The following PPM1E variants were observed in gnomAD, a reference collection of about 807,000 sequenced individuals.
PPM1E encodes protein phosphatase, Mg2+/Mn2+ dependent 1E.
Under a neutral mutation model 65.9 loss-of-function variants are expected in PPM1E, and 20 were observed. The observed-to-expected ratio is 0.30, with a 90% CI of 0.21 to 0.44. PPM1E has a LOEUF of 0.44. PPM1E is among the 20% of genes least tolerant of loss of function. PPM1E has a pLI of 1.00. For missense variants in PPM1E, 713 were observed against 953.1 expected (o/e 0.75, Z 3.32); for synonymous variants, 352 against 374.9 (o/e 0.94, Z 0.70).
chr17:58,798,525 A>AT (rs78922975), intron 1 of PPM1E, among the ~76,000 whole-genome samples: 4,052 of 89,818 alleles, frequency 0.045, 75 homozygotes, highest in Middle Eastern at 0.11. Context: ...ACACGGCCCT[A>AT]TTTTTTTTTT....
At chr17:58,897,557 T>C (rs1275752813) in intron 1 of PPM1E, among the ~76,000 whole-genome samples, 1 of 152,224 alleles carries the variant, frequency 6.6e-6, no homozygotes, top group Non-Finnish European at 1.5e-5. Flanking sequence ...AGACCATGGA[T>C]CAAAGAGTAA....
intron 1 of PPM1E, among the ~76,000 whole-genome samples, chr17:58,825,303 C>T (rs191794342): frequency 5.7e-4 from 87 of 151,750 alleles, no homozygotes; most frequent in Admixed American, 3.3e-3. Context: ...AGTGTAGTGG[C>T]TCATGCCTGT....
chr17:58,928,606 C>CTT (rs2051853085), intron 1 of PPM1E, among the ~76,000 whole-genome samples: 2 of 151,882 alleles, frequency 1.3e-5, no homozygotes, highest in South Asian at 4.1e-4. Flanking sequence ...TTGTGTAAAA[C>CTT]TAAACATGTA....
chr17:58,813,926 A>G (rs2050392794), intron 1 of PPM1E, among the ~76,000 whole-genome samples: 1 of 152,326 alleles, frequency 6.6e-6, no homozygotes, highest in Middle Eastern at 3.4e-3. Flanking sequence ...GGTGTTTGTT[A>G]TGCACAAGGA....
intron 1 of PPM1E, among the ~76,000 whole-genome samples, chr17:58,816,790 ATATATTTTTTT>A (rs1567842308): frequency 2.5e-4 from 2 of 8,052 alleles, no homozygotes; most frequent in Non-Finnish European, 4.3e-4. Flanking sequence ...ATATATATAT[ATATATTTTTTT>A]TTTTTTTTTT....
At chr17:58,885,136 A>T (rs1295222427) in intron 1 of PPM1E, among the ~76,000 whole-genome samples, 1 of 152,046 alleles carries the variant, frequency 6.6e-6, no homozygotes, top group Non-Finnish European at 1.5e-5. Context: ...GGCTCACTGC[A>T]ACCTCTGGCT....
chr17:58,776,957 G>A (rs993705943), intron 1 of PPM1E, among the ~76,000 whole-genome samples: 9 of 152,244 alleles, frequency 5.9e-5, no homozygotes, highest in South Asian at 2.1e-4. Flanking sequence ...ATAGGGCTGG[G>A]TGCAGTGGCT....
intron 1 of PPM1E, among the ~76,000 whole-genome samples, chr17:58,826,028 C>G (rs2050532208): frequency 6.6e-6 from 1 of 151,602 alleles, no homozygotes; most frequent in Non-Finnish European, 1.5e-5. Flanking sequence ...GTGGCTTATG[C>G]CTGTAATCCC....
intron 1 of PPM1E, among the ~76,000 whole-genome samples, chr17:58,921,603 G>A (rs985795582): frequency 2.0e-5 from 3 of 151,620 alleles, no homozygotes; most frequent in Non-Finnish European, 2.9e-5. Context: ...GGTTGAGGCT[G>A]CAGTGAGCCG....
chr17:58,815,762 G>A (rs1027951038), intron 1 of PPM1E, among the ~76,000 whole-genome samples: 1 of 152,092 alleles, frequency 6.6e-6, no homozygotes, highest in Non-Finnish European at 1.5e-5. Context: ...AATCATTATT[G>A]TGAGAAGATT....
intron 1 of PPM1E, among the ~76,000 whole-genome samples, chr17:58,912,518 G>A (rs1012999412): frequency 1.3e-5 from 2 of 152,214 alleles, no homozygotes. Context: ...TGTGACTGGA[G>A]TGGATTGAGG....
intron 1 of PPM1E, among the ~76,000 whole-genome samples, chr17:58,948,344 A>G (rs551244821): frequency 6.6e-6 from 1 of 152,224 alleles, no homozygotes; most frequent in East Asian, 1.9e-4. Flanking sequence ...CTCACCCAAC[A>G]TCCCCTAAGA....
At chr17:58,892,295 C>G (rs1379228423) in intron 1 of PPM1E, among the ~76,000 whole-genome samples, 1 of 152,092 alleles carries the variant, frequency 6.6e-6, no homozygotes, top group African/African-American at 2.4e-5. Flanking sequence ...TATTTCAAGG[C>G]CGGCATGGTG....
At chr17:58,837,984 C>G (rs923932041) in intron 1 of PPM1E, among the ~76,000 whole-genome samples, 7 of 152,116 alleles carry the variant, frequency 4.6e-5, no homozygotes, top group South Asian at 2.1e-4. Context: ...ATCTTTGAAG[C>G]CTTTCAATTA....
intron 1 of PPM1E, among the ~76,000 whole-genome samples, chr17:58,825,291 T>C (rs530804098): frequency 2.6e-5 from 4 of 151,022 alleles, no homozygotes; most frequent in South Asian, 4.2e-4. Flanking sequence ...AATATCTGGC[T>C]GAGTGTAGTG....
At chr17:58,795,532 G>T (rs895141897) in intron 1 of PPM1E, among the ~76,000 whole-genome samples, 4 of 151,884 alleles carry the variant, frequency 2.6e-5, no homozygotes, top group Non-Finnish European at 4.4e-5. Context: ...GTCAGACCCT[G>T]TCTCTACAAA....
intron 1 of PPM1E, among the ~76,000 whole-genome samples, chr17:58,878,848 G>A (rs1003189759): frequency 1.8e-4 from 27 of 150,888 alleles, no homozygotes; most frequent in African/African-American, 5.8e-4. Flanking sequence ...CAGGAGAATC[G>A]CTTGAACCTG....
chr17:58,840,724 T>G (rs1328381302), intron 1 of PPM1E, among the ~76,000 whole-genome samples: 2 of 152,048 alleles, frequency 1.3e-5, no homozygotes, highest in South Asian at 2.1e-4. Context: ...TTGAGCAAAA[T>G]AAATGAATGA....
intron 1 of PPM1E, among the ~76,000 whole-genome samples, chr17:58,788,494 G>A (rs1234575889): frequency 6.6e-6 from 1 of 152,144 alleles, no homozygotes; most frequent in East Asian, 1.9e-4. Context: ...AGGGAAGAAG[G>A]TACATTTACT....
Sources: allele counts gnomAD v4.1 joint callset (sites outside exome capture counted in the v4.1 genomes callset), GRCh38; gene constraint gnomAD v4.1.1; transcripts MANE v1.5; gene names NCBI Gene and HGNC (gene_info 2026-07-23, HGNC 2026-07-21).